LARGE1: variants seen among roughly 807,000 people sequenced by gnomAD.
LARGE1 encodes the protein LARGE xylosyl- and glucuronyltransferase 1.
LARGE1 carries 43 observed loss-of-function variants against 87.6 expected under a neutral mutation model. That is an observed-to-expected ratio of 0.49 (90% CI 0.38 to 0.63). The LOEUF is 0.63. LARGE1 is among the 30% of genes least tolerant of loss of function. The probability of loss-of-function intolerance (pLI) is 0.00; values close to 1 mark genes in which losing one functional copy is unlikely to be tolerated. For missense variants in LARGE1, 802 were observed against 1,000.2 expected (o/e 0.80, Z 2.67); for synonymous variants, 434 against 394.6 (o/e 1.10, Z -1.18).
chr22:33,383,843 T>C (rs1184650822), intron 8 of LARGE1, among the ~76,000 whole-genome samples: 4 of 152,202 alleles, frequency 2.6e-5, no homozygotes, highest in South Asian at 4.1e-4. Flanking sequence ...CACCTGGTGA[T>C]GAAGAGGGCA....
chr22:33,405,151 A>T (rs1213782758), intron 7 of LARGE1, among the ~76,000 whole-genome samples: 1 of 152,224 alleles, frequency 6.6e-6, no homozygotes, highest in Non-Finnish European at 1.5e-5. Context: ...GATCCCTACA[A>T]GGACATTGCA....
chr22:33,538,973 G>A (rs2077114032), intron 6 of LARGE1, among the ~76,000 whole-genome samples: 1 of 152,154 alleles, frequency 6.6e-6, no homozygotes, highest in Non-Finnish European at 1.5e-5. Flanking sequence ...ATCTGAGCAA[G>A]CATTTTAAAA....
chr22:33,493,066 T>C (rs2069928302), intron 6 of LARGE1, among the ~76,000 whole-genome samples: 1 of 152,052 alleles, frequency 6.6e-6, no homozygotes, highest in East Asian at 1.9e-4. Flanking sequence ...GTAGCAGTGC[T>C]CTGGCACATA....
chr22:33,738,378 G>A (rs59513206), intron 2 of LARGE1, among the ~76,000 whole-genome samples: 12,776 of 152,216 alleles, frequency 0.084, 795 homozygotes, highest in South Asian at 0.21. Context: ...CATTGTGAAA[G>A]CAAACTAATC....
At chr22:33,626,489 T>A (rs550554097) in intron 3 of LARGE1, among the ~76,000 whole-genome samples, 163 bp from the exon 4 acceptor site, 1 of 152,182 alleles carries the variant, frequency 6.6e-6, no homozygotes, top group Non-Finnish European at 1.5e-5. Flanking sequence ...AAGACAGTTT[T>A]ATTAAGGCCT....
At chr22:33,921,203 G>GC (rs1048008535), upstream of LARGE1, among the ~76,000 whole-genome samples, 3 of 152,024 alleles carry the variant, frequency 2.0e-5, no homozygotes, top group Admixed American at 6.5e-5. This position sits in a 1 kb window ranked among gnomAD's most constrained non-coding sequence, Gnocchi z 4.1. Flanking sequence ...GCGAGACTCC[G>GC]CCCCGGTGCT....
At chr22:33,324,896 C>T (rs1022232446) in intron 10 of LARGE1, among the ~76,000 whole-genome samples, 4 of 146,644 alleles carry the variant, frequency 2.7e-5, no homozygotes, top group Admixed American at 1.4e-4. Context: ...TCAAGGATCA[C>T]GCACTCACTG....
At chr22:33,764,648 C>CTG (rs1379981891) in intron 1 of LARGE1, among the ~76,000 whole-genome samples, 1 of 152,122 alleles carries the variant, frequency 6.6e-6, no homozygotes, top group Non-Finnish European at 1.5e-5. Context: ...ATCCCAGCTA[C>CTG]TTGGGAGTCT....
intron 2 of LARGE1, among the ~76,000 whole-genome samples, chr22:33,660,579 G>A (rs771794571): frequency 1.3e-5 from 2 of 152,142 alleles, no homozygotes; most frequent in Non-Finnish European, 2.9e-5. Flanking sequence ...CGTTAGTGAC[G>A]GTCTCCAATG....
intron 11 of LARGE1, among the ~76,000 whole-genome samples, chr22:33,220,020 A>T (rs565315259): frequency 6.6e-6 from 1 of 152,222 alleles, no homozygotes; most frequent in Non-Finnish European, 1.5e-5. Flanking sequence ...TCTAACCTTG[A>T]TTTTTGTTGT....
chr22:33,631,635 T>C (rs543231201), intron 3 of LARGE1, among the ~76,000 whole-genome samples: 1 of 152,282 alleles, frequency 6.6e-6, no homozygotes, highest in Admixed American at 6.5e-5. Context: ...CAAGGCCTTC[T>C]GAAATACCTC....
chr22:33,696,979 C>A (rs1441139542), intron 2 of LARGE1, among the ~76,000 whole-genome samples: 1 of 152,038 alleles, frequency 6.6e-6, no homozygotes, highest in Middle Eastern at 3.2e-3. Flanking sequence ...AAATATTTCC[C>A]TTACATACAT....
At chr22:33,559,804 A>G (rs974907062) in intron 6 of LARGE1, among the ~76,000 whole-genome samples, 9 of 152,066 alleles carry the variant, frequency 5.9e-5, no homozygotes, top group African/African-American at 1.4e-4. Flanking sequence ...CGGAGGTCAC[A>G]TGCTGGGCCA....
intron 5 of LARGE1, among the ~76,000 whole-genome samples, chr22:33,572,492 T>C (rs1317112398): frequency 1.3e-5 from 2 of 152,032 alleles, no homozygotes; most frequent in African/African-American, 4.8e-5. Context: ...ACCCATAAAA[T>C]AGAGAAAACA....
chr22:33,176,816 C>T (rs1236641322), intron 11 of LARGE1, among the ~76,000 whole-genome samples: 1 of 152,084 alleles, frequency 6.6e-6, no homozygotes, highest in Non-Finnish European at 1.5e-5. Context: ...GATATATACC[C>T]AAAGGATTAT....
chr22:33,719,458 T>C (rs921067891), intron 2 of LARGE1, among the ~76,000 whole-genome samples: 2 of 152,124 alleles, frequency 1.3e-5, no homozygotes, highest in Non-Finnish European at 2.9e-5. Context: ...ACAGGCTCCA[T>C]TCATGGTAAG....
chr22:33,093,354 A>C, the LARGE1 span, among the ~76,000 whole-genome samples: 1 of 152,230 alleles, frequency 6.6e-6, no homozygotes, highest in African/African-American at 2.4e-5. Flanking sequence ...AATAGGAGAC[A>C]AAGGCATAAA....
intron 1 of LARGE1, among the ~76,000 whole-genome samples, chr22:33,842,204 C>T (rs756190521): frequency 2.0e-5 from 3 of 152,178 alleles, no homozygotes; most frequent in South Asian, 2.1e-4. Flanking sequence ...CGTAAAGCAC[C>T]GAATCCTATT....
chr22:33,146,311 C>T, the LARGE1 span, among the ~76,000 whole-genome samples: 1 of 152,126 alleles, frequency 6.6e-6, no homozygotes, highest in South Asian at 2.1e-4. Flanking sequence ...GCTACTTACC[C>T]AAAACCCATT....
Sources: allele counts gnomAD v4.1 joint callset (sites outside exome capture counted in the v4.1 genomes callset), GRCh38; gene constraint gnomAD v4.1.1; non-coding constraint Gnocchi (gnomAD v3.1); transcripts MANE v1.5; gene names NCBI Gene and HGNC (gene_info 2026-07-23, HGNC 2026-07-21).